The following RAPGEF6 variants were observed in gnomAD, a reference collection of about 807,000 sequenced individuals.
The protein encoded by RAPGEF6 is PDZ domain containing guanine nucleotide exchange factor (GEF) 2.
In RAPGEF6, 56 loss-of-function variants were observed where a neutral mutation model predicts 171.4. The observed-to-expected ratio is 0.33, with a 90% CI of 0.26 to 0.41. The LOEUF (loss-of-function observed/expected upper bound fraction) is 0.41. Among genes scored for constraint, RAPGEF6 ranks in the 10% least tolerant of loss-of-function variants. The pLI is 1.00. For missense variants in RAPGEF6, 1,674 were observed against 1,921.4 expected, an observed-to-expected ratio of 0.87 and a Z score of 2.41; for synonymous variants, 692 against 650.1, an observed-to-expected ratio of 1.06 and a Z score of -0.98.
In RAPGEF6 at chr5:131,626,370, A is replaced by G. The variant is rs114142152; in HGVS notation, c.69+8592T>C. Among the ~76,000 whole-genome samples the G allele has an allele frequency of 5.7e-3, 874 of 152,192 alleles. 3 individuals are homozygous for G. Among genetic ancestry groups the G allele is most frequent in the Non-Finnish European group, 8.3e-3 (563 of 68,016 alleles). On this transcript the variant is annotated intron_variant, in intron 1 of 27. Transcript: ENST00000509018. ...TTTTTTTCCCACTCCCATAAAAGGC[A>G]ATTTTTGCATCTTTGGGAGCGATAT...
chr5:131,453,220 C>A, intron 20 of RAPGEF6, 43 bp from the exon 21 acceptor site: 1 of 1,547,782 alleles, frequency 6.5e-7, no homozygotes, highest in Non-Finnish European at 8.8e-7. Context: ...ATTAAATTAT[C>A]TACATAAAAG....
chr5:131,590,681 A>C (rs1151481), intron 4 of RAPGEF6, among the ~76,000 whole-genome samples: 96,341 of 151,982 alleles, frequency 0.63, 32,462 homozygotes, highest in Non-Finnish European at 0.77. Context: ...TGATTACATT[A>C]ATGCATACCA....
chr5:131,543,400 C>T (rs541164697), intron 6 of RAPGEF6, among the ~76,000 whole-genome samples: 2 of 152,036 alleles, frequency 1.3e-5, no homozygotes. Flanking sequence ...AAAAATACTG[C>T]GTTTACAGTG....
intron 1 of RAPGEF6, among the ~76,000 whole-genome samples, chr5:131,628,187 C>A (rs899585369): frequency 6.6e-6 from 1 of 152,018 alleles, no homozygotes; most frequent in Non-Finnish European, 1.5e-5. Context: ...CGGCCCAAAG[C>A]CAGGCCTCTT....
chr5:131,595,973 C>T (rs887684557), intron 3 of RAPGEF6, among the ~76,000 whole-genome samples: 13 of 151,788 alleles, frequency 8.6e-5, no homozygotes, highest in Non-Finnish European at 1.6e-4. Context: ...GCCAACATGG[C>T]GAAACCCTGT....
chr5:131,630,624 T>C (rs1766241178), intron 1 of RAPGEF6, among the ~76,000 whole-genome samples: 1 of 152,086 alleles, frequency 6.6e-6, no homozygotes. Context: ...GTAGGAGAAA[T>C]CTCTCACACA....
At chr5:131,540,149 T>A (rs1055364121) in intron 6 of RAPGEF6, among the ~76,000 whole-genome samples, 1 of 152,150 alleles carries the variant, frequency 6.6e-6, no homozygotes, top group East Asian at 1.9e-4. Context: ...ATAAAAAGCA[T>A]CCTAAGCAAC....
intron 4 of RAPGEF6, among the ~76,000 whole-genome samples, chr5:131,583,329 G>C (rs1466509092): frequency 6.6e-6 from 1 of 152,146 alleles, no homozygotes; most frequent in Admixed American, 6.5e-5. Context: ...TTTTAAAACA[G>C]AGATCATAAG....
Position 131,492,675 on chromosome 5 carries a change from A to G in RAPGEF6, c.1638T>C (p.Leu546=), listed in dbSNP as rs1451640249. The part of the protein sequence containing the change: ...ASRESPLQFS[L]NGGSEKGFGI... Reference sequence around the variant, plus strand: ...CAAATCCCTTCTCACTCCCTCCATTAAGGCTGAATTGTAGAGGGGACTCGC... The same window carrying G: ...CAAATCCCTTCTCACTCCCTCCATTGAGGCTGAATTGTAGAGGGGACTCGC... Residue 546 remains leucine, a synonymous_variant, in exon 14 of 28, where the codon CTT becomes CTC. Transcript: ENST00000509018. The G allele has an allele frequency of 2.5e-6, 4 of 1,614,126 alleles. No individual in the cohort carries two copies.
At chr5:131,628,633 A>T (rs1017365199) in intron 1 of RAPGEF6, among the ~76,000 whole-genome samples, 11 of 152,214 alleles carry the variant, frequency 7.2e-5, no homozygotes, top group African/African-American at 2.7e-4. Flanking sequence ...GCCACCTAAG[A>T]CTTCCATAAC....
intron 8 of RAPGEF6, among the ~76,000 whole-genome samples, chr5:131,509,379 T>C (rs920431820): frequency 1.3e-5 from 2 of 151,924 alleles, no homozygotes; most frequent in Non-Finnish European, 2.9e-5. Context: ...CCATTGCTAC[T>C]AAAAATACAA....
chr5:131,572,012 G>C (rs750104030), intron 4 of RAPGEF6, among the ~76,000 whole-genome samples: 1 of 151,900 alleles, frequency 6.6e-6, no homozygotes, highest in African/African-American at 2.4e-5. Flanking sequence ...TAACACCACC[G>C]CCTATCTCAA....
In RAPGEF6 at chr5:131,505,354, A is replaced by G. The variant is rs1244583901; in HGVS notation, c.1101+10T>C. On this transcript the variant is annotated intron_variant, in intron 10 of 27. Coordinates refer to ENST00000509018, the MANE Select transcript of RAPGEF6 (RefSeq NM_016340.6). ...CAGACAAGAAGACTTGACCAAAGAG[A>G]TAATCTTACCTGACAATCATCTACT... 15 of 1,613,080 alleles carry G rather than the reference A, an allele frequency of 9.3e-6. No homozygotes were observed. Among genetic ancestry groups the G allele is most frequent in the Non-Finnish European group, 1.2e-5 (14 of 1,179,420 alleles).
At chr5:131,619,438 T>C (rs1161167973) in intron 1 of RAPGEF6, among the ~76,000 whole-genome samples, 3 of 152,216 alleles carry the variant, frequency 2.0e-5, no homozygotes, top group Non-Finnish European at 4.4e-5. Context: ...CTGCACGTTC[T>C]GCACATGTAT....
At chr5:131,501,823 A>G (rs1276720031) in intron 11 of RAPGEF6, among the ~76,000 whole-genome samples, 1 of 152,184 alleles carries the variant, frequency 6.6e-6, no homozygotes. Context: ...AGGTACAGGT[A>G]GTAGTGGAAT....
At chr5:131,510,002 G>A (rs1166758482) in intron 8 of RAPGEF6, among the ~76,000 whole-genome samples, 1 of 152,146 alleles carries the variant, frequency 6.6e-6, no homozygotes, top group Non-Finnish European at 1.5e-5. Context: ...GCCTATCAGA[G>A]GCCCACATGA....
At chr5:131,483,753 T>C (rs1025409286) in intron 15 of RAPGEF6, among the ~76,000 whole-genome samples, 1 of 151,866 alleles carries the variant, frequency 6.6e-6, no homozygotes, top group Admixed American at 6.6e-5. Context: ...TATAAAGTGG[T>C]CAAACAAGTC....
At chr5:131,523,767 G>A (rs1409593504) in intron 6 of RAPGEF6, among the ~76,000 whole-genome samples, 1 of 150,966 alleles carries the variant, frequency 6.6e-6, no homozygotes, top group Non-Finnish European at 1.5e-5. Context: ...AGATCAAGGA[G>A]GTTTAAAAAC....
At position 131,429,087 on chromosome 5, in the gene RAPGEF6, T is replaced by C; in HGVS notation, c.4595A>G (p.Tyr1532Cys). The change falls in exon 27 of 28, where the codon TAT becomes TGT. Residue 1532 changes from tyrosine (Y) to cysteine (C), a missense_variant. Coordinates refer to ENST00000509018, the MANE Select transcript of RAPGEF6 (RefSeq NM_016340.6). ...GPHTHLKPPD[Y>C]SVAVQRSKMM... ...CTTTGACCTCTGCACTGCCACACTA[T>C]AATCTGGAGGTTTTAGGTGTGTGTG... The C allele has an allele frequency of 1.2e-6, 2 of 1,614,178 alleles. No individual in the cohort carries two copies. The highest frequency in any genetic ancestry group is 1.7e-6 in the Non-Finnish European group (2 of 1,180,028).
Sources: allele counts gnomAD v4.1 joint callset (sites outside exome capture counted in the v4.1 genomes callset), GRCh38; gene constraint gnomAD v4.1.1; transcripts MANE v1.5; gene names NCBI Gene and HGNC (gene_info 2026-07-23, HGNC 2026-07-21).